The following SETD2 variants were observed in gnomAD, a reference collection of about 807,000 sequenced individuals.
The protein encoded by SETD2 is histone-lysine N-methyltransferase SETD2.
A neutral mutation model predicts 242.1 loss-of-function variants in SETD2; 31 were observed. That is an observed-to-expected ratio of 0.13 (90% confidence interval 0.10 to 0.17). The LOEUF is 0.17. Among genes scored for constraint, SETD2 ranks in the 10% least tolerant of loss-of-function variants. SETD2 has a pLI of 1.00. For missense variants in SETD2, 2,481 were observed against 3,046.3 expected, an observed-to-expected ratio of 0.81 and a Z score of 4.37; for synonymous variants, 1,006 against 1,066.5, an observed-to-expected ratio of 0.94 and a Z score of 1.11.
chr3:47,129,881 A>C (rs2043436654), intron 1 of SETD2, among the ~76,000 whole-genome samples: 1 of 151,058 alleles, frequency 6.6e-6, no homozygotes, highest in South Asian at 2.1e-4. Context: ...TCCGCCTCAA[A>C]AAAAAAAAAA....
rs55987628 is a variant in SETD2, at chr3:47,105,903, CAAA to C, written c.4839+91_4839+93del. Reference sequence around the variant, plus strand: ...GGGCGATAGAGCGAGACTCCGTCTCCAAAAAAAAAAAAAAAAAAAAAATCAAAT... The same window carrying C: ...GGGCGATAGAGCGAGACTCCGTCTCCAAAAAAAAAAAAAAAAAAATCAAAT... On this transcript the variant is annotated intron_variant, in intron 6 of 20. Transcript: ENST00000409792. 0.12 allele frequency: 116,907 copies of C among 946,978 alleles called. 44 individuals are homozygous for C. The highest frequency in any genetic ancestry group is 0.13 in the Middle Eastern group (422 of 3,148). 58.7% of individuals were successfully genotyped at this position (946,978 alleles called of 1,614,324 possible).
chr3:47,134,559 G>A (rs1220757943), intron 1 of SETD2, among the ~76,000 whole-genome samples: 2 of 152,098 alleles, frequency 1.3e-5, no homozygotes, highest in African/African-American at 4.8e-5. Flanking sequence ...AGTGAGCTGG[G>A]CTTATGGCAA....
intron 11 of SETD2, 44 bp from the exon 12 acceptor site, chr3:47,084,426 C>CTTTT: frequency 1.0e-5 from 10 of 978,674 alleles, no homozygotes; most frequent in Admixed American, 3.1e-5. Flanking sequence ...GTACAGTTGA[C>CTTTT]TTTTTTTTTT....
intron 18 of SETD2, among the ~76,000 whole-genome samples, chr3:47,031,251 A>C (rs2038754372): frequency 6.6e-6 from 1 of 152,192 alleles, no homozygotes. Context: ...TAAATTATGG[A>C]CTTTGGGTGG....
At chr3:47,063,064 A>C (rs891789790) in intron 13 of SETD2, among the ~76,000 whole-genome samples, 31 of 152,154 alleles carry the variant, frequency 2.0e-4, no homozygotes, top group African/African-American at 7.2e-4. Flanking sequence ...GTGCATACTC[A>C]AGTCCCACAA....
chr3:47,098,700 G>A (rs942372191), intron 8 of SETD2, among the ~76,000 whole-genome samples: 1 of 152,060 alleles, frequency 6.6e-6, no homozygotes, highest in Non-Finnish European at 1.5e-5. Context: ...AGAGGCTGAG[G>A]CATGAGAATT....
At position 47,050,723 on chromosome 3, in the gene SETD2, C is replaced by CTTTTTTTTTTTTTTTTTTT. The variant is rs775259096; in HGVS notation, c.6964-4121_6964-4103dup. Among the ~76,000 whole-genome samples, 5 of 66,882 alleles carry CTTTTTTTTTTTTTTTTTTT rather than the reference C, an allele frequency of 7.5e-5. 1 individual carries two copies. The highest frequency in any genetic ancestry group is 2.4e-4 in the Admixed American group (1 of 4,148). The allele number at this position is 66,882 out of a possible 152,430, so 43.9% of individuals were successfully genotyped here. Reference sequence around the variant, plus strand: ...CTCAACCTGTATACATTTCCTCTCTCTTTTTTTTTTTTTTTTTTTTTTTTT... The same window carrying CTTTTTTTTTTTTTTTTTTT: ...CTCAACCTGTATACATTTCCTCTCTCTTTTTTTTTTTTTTTTTTTTTTTTTTTTTTTTTTTTTTTTTTTT... On this transcript the variant is annotated intron_variant, in intron 15 of 20. Transcript: ENST00000409792.
At chr3:47,117,312 CT>C (rs1220753856) in intron 3 of SETD2, among the ~76,000 whole-genome samples, 2 of 149,208 alleles carry the variant, frequency 1.3e-5, no homozygotes, top group East Asian at 3.9e-4. Context: ...GAAGGGCAAC[CT>C]TAACCTTGGC....
rs748432550 is a variant in SETD2 at position 47,122,945 on chromosome 3, G to C, written c.1691C>G (p.Pro564Arg). The change falls in exon 3 of 21, where the codon CCC (proline) becomes CGC (arginine). Residue 564 changes from proline to arginine, a missense_variant. This residue lies in a region of SETD2 where 1,300 missense variants were observed against 1,259.2 expected (regional missense o/e 1.03). Coordinates refer to ENST00000409792, the MANE Select transcript of SETD2 (RefSeq NM_014159.7). ...AGAATTTTTAAATTTATCAGACTTG[G>C]GTATAGGTTTTGAAAGGGTAGATTT... ...RYKSTLSKPI[P>R]KSDKFKNSFC... 6.2e-7 allele frequency: 1 copy of C among 1,613,384 alleles called. No homozygotes were observed. Among genetic ancestry groups the C allele is most frequent in the Non-Finnish European group, 8.5e-7 (1 of 1,179,654 alleles).
At chr3:47,064,340 C>T (rs986963611) in intron 13 of SETD2, among the ~76,000 whole-genome samples, 3 of 152,096 alleles carry the variant, frequency 2.0e-5, no homozygotes, top group African/African-American at 7.2e-5. Context: ...GTACCACATC[C>T]GGGTAGAAAA....
chr3:47,150,634 A>G (rs1458914597), intron 1 of SETD2, among the ~76,000 whole-genome samples: 1 of 152,124 alleles, frequency 6.6e-6, no homozygotes, highest in Non-Finnish European at 1.5e-5. Context: ...CATTAGCCCA[A>G]CACATACCAC....
At chr3:47,050,723 C>CCTTTTTT (rs1483439791) in intron 15 of SETD2, among the ~76,000 whole-genome samples, 6 of 66,878 alleles carry the variant, frequency 9.0e-5, no homozygotes, top group African/African-American at 1.3e-4. Context: ...TTTCCTCTCT[C>CCTTTTTT]TTTTTTTTTT....
intron 18 of SETD2, among the ~76,000 whole-genome samples, chr3:47,026,024 C>T (rs1218889333): frequency 6.6e-6 from 1 of 152,160 alleles, no homozygotes; most frequent in African/African-American, 2.4e-5. Context: ...AGGCAACCTA[C>T]AGAATGGGAG....
rs2043228373 is a variant in SETD2 at position 47,124,106 on chromosome 3, A to G, written c.530T>C (p.Ile177Thr). ...PTHAAPLPAVIAESTTVDSPP... is the reference protein window; with the variant it reads ...PTHAAPLPAVTAESTTVDSPP... ...TGAGTCTACAGTTGTTGATTCTGCT[A>G]TCACTGCTGGTAATGGTGCTGCATG... is the stretch of plus-strand genomic sequence containing the variant. Residue 177 changes from isoleucine (I) to threonine (T), a missense_variant, in exon 3 of 21, where the codon ATA becomes ACA. Transcript: ENST00000409792. 1.3e-6 allele frequency: 2 copies of G among 1,551,824 alleles called. No homozygotes were observed. The highest frequency in any genetic ancestry group is 2.0e-5 in the Admixed American group (1 of 50,974).
chr3:47,099,354 G>C (rs1019054011), intron 8 of SETD2, among the ~76,000 whole-genome samples: 12 of 152,162 alleles, frequency 7.9e-5, no homozygotes, highest in African/African-American at 2.4e-4. Context: ...AAACTTTTAG[G>C]GTTTTGTATC....
intron 5 of SETD2, among the ~76,000 whole-genome samples, chr3:47,109,761 G>A (rs1025512558): frequency 6.6e-5 from 10 of 152,026 alleles, no homozygotes; most frequent in African/African-American, 1.4e-4. Context: ...CAAGCCAGGC[G>A]GATCACCTGT....
chr3:47,125,353 A>G (rs77929759), intron 2 of SETD2, among the ~76,000 whole-genome samples: 1 of 145,786 alleles, frequency 6.9e-6, no homozygotes, highest in Non-Finnish European at 1.5e-5. Flanking sequence ...AAAAAAAAAA[A>G]CATACTCATC....
At chr3:47,065,202 A>G (rs1040145476) in intron 13 of SETD2, among the ~76,000 whole-genome samples, 1 of 152,124 alleles carries the variant, frequency 6.6e-6, no homozygotes, top group African/African-American at 2.4e-5. Context: ...TTTTTATAGG[A>G]AGAGTTATTT....
At chr3:47,160,491 G>C (rs1211352538) in intron 1 of SETD2, among the ~76,000 whole-genome samples, 2 of 148,310 alleles carry the variant, frequency 1.3e-5, no homozygotes, top group Admixed American at 1.3e-4. Flanking sequence ...TGTATTTTTA[G>C]TAGAGACGAG....
Sources: allele counts gnomAD v4.1 joint callset (sites outside exome capture counted in the v4.1 genomes callset), GRCh38; gene constraint gnomAD v4.1.1; regional missense constraint gnomAD v4.1.1; transcripts MANE v1.5; gene names NCBI Gene and HGNC (gene_info 2026-07-23, HGNC 2026-07-21).